Variants in SOX30 observed in about 807,000 individuals in gnomAD.
The protein encoded by SOX30 is transcription factor SOX-30.
In SOX30, 17 loss-of-function variants were observed where a neutral mutation model predicts 58.6. That is an observed-to-expected ratio of 0.29 (90% confidence interval 0.20 to 0.44). The LOEUF is 0.44. Ranked by LOEUF, SOX30 falls within the 20% of genes least tolerant of loss-of-function variation. The pLI is 1.00. For synonymous variants in SOX30, 421 were observed against 400.2 expected (o/e 1.05, Z -0.62); for missense variants, 951 against 965.8 (o/e 0.98, Z 0.20).
chr5:157,652,506 G>T, upstream of SOX30: 1 of 444,232 alleles, frequency 2.3e-6, no homozygotes, highest in South Asian at 9.6e-5. Context: ...TGCGTCACAA[G>T]GGGAGCGACG....
At chr5:157,646,915 A>G in intron 2 of SOX30, 99 bp from the exon 3 acceptor site, 1 of 849,074 alleles carries the variant, frequency 1.2e-6, no homozygotes. Context: ...TGTTTTAAAA[A>G]CAAATTATTG....
Position 157,651,745 on chromosome 5 carries a change from G to A in SOX30, c.334C>T (p.Pro112Ser). Reference protein sequence around the residue: ...QFRPDLRLLQPPTASDGATSR... With the variant: ...QFRPDLRLLQSPTASDGATSR... Reference sequence around the variant, plus strand: ...GTGGCGCCGTCTGACGCTGTCGGCGGCTGCAGGAGCCGCAGGTCGGGCCTG... The same window carrying A: ...GTGGCGCCGTCTGACGCTGTCGGCGACTGCAGGAGCCGCAGGTCGGGCCTG... Residue 112 changes from proline (P) to serine (S), a missense_variant, in exon 1 of 5, where the codon CCG (proline) becomes TCG (serine). Around this residue, in one of 7 missense-constraint regions of SOX30, gnomAD observed 363 missense variants for 294.5 expected, o/e 1.23. Coordinates refer to ENST00000265007, the MANE Select transcript of SOX30 (RefSeq NM_178424.2). The A allele has an allele frequency of 2.6e-6, 4 of 1,558,176 alleles. No individual in the cohort carries two copies. Among genetic ancestry groups the A allele is most frequent in the Middle Eastern group, 1.7e-4 (1 of 5,736 alleles).
At chr5:157,642,514 A>G (rs1196868921) in intron 3 of SOX30, among the ~76,000 whole-genome samples, 2 of 152,108 alleles carry the variant, frequency 1.3e-5, no homozygotes. Context: ...TTGGCTAGGG[A>G]AAAAGGCTGA....
chr5:157,665,520 G>A (rs1759652941), intron 2 of SOX30, among the ~76,000 whole-genome samples: 1 of 151,644 alleles, frequency 6.6e-6, no homozygotes, highest in Admixed American at 6.6e-5. Flanking sequence ...AATGGGTGCA[G>A]CACACCAACA....
chr5:157,640,056 G>A (rs948803061), intron 3 of SOX30, among the ~76,000 whole-genome samples: 1 of 152,288 alleles, frequency 6.6e-6, no homozygotes, highest in Non-Finnish European at 1.5e-5. Context: ...TGAGGCACAG[G>A]CCCTACTCAG....
At chr5:157,659,009 G>A (rs928464822) in intron 2 of SOX30, among the ~76,000 whole-genome samples, 15 of 152,158 alleles carry the variant, frequency 9.9e-5, no homozygotes, top group African/African-American at 3.6e-4. Context: ...ACTCCCACCA[G>A]TGCCATGATA....
chr5:157,667,835 A>G (rs1056679504), exon 2 of SOX30: 2 of 1,535,402 alleles, frequency 1.3e-6, no homozygotes, highest in African/African-American at 1.4e-5. Context: ...CCTTCCCTCT[A>G]CAACATTTCT....
At chr5:157,628,004 A>G (rs1410153554) in intron 4 of SOX30, among the ~76,000 whole-genome samples, 3 of 151,826 alleles carry the variant, frequency 2.0e-5, no homozygotes, top group Non-Finnish European at 2.9e-5. Flanking sequence ...AAAAAAAAAA[A>G]AAAAGTCAAA....
intron 2 of SOX30, among the ~76,000 whole-genome samples, chr5:157,658,384 T>C (rs1759518991): frequency 6.6e-6 from 1 of 152,206 alleles, no homozygotes; most frequent in Non-Finnish European, 1.5e-5. Flanking sequence ...GTTTTTAAGT[T>C]TGTTTCTGCA....
At chr5:157,630,756 T>C (rs986045489) in intron 4 of SOX30, among the ~76,000 whole-genome samples, 5 of 149,898 alleles carry the variant, frequency 3.3e-5, no homozygotes, top group Non-Finnish European at 5.9e-5. Context: ...AGTTAAAAGC[T>C]TGGGGTCTTT....
chr5:157,662,902 T>C (rs2113858597), intron 2 of SOX30, among the ~76,000 whole-genome samples: 1 of 152,206 alleles, frequency 6.6e-6, no homozygotes, highest in South Asian at 2.1e-4. Flanking sequence ...CTTCAGAATA[T>C]GTTTAGGAAG....
chr5:157,652,750 A>G (rs528339447), upstream of SOX30, among the ~76,000 whole-genome samples: 60 of 152,056 alleles, frequency 3.9e-4, no homozygotes, highest in South Asian at 2.7e-3. Flanking sequence ...AAATTCATCC[A>G]CTGTTTTGTG....
At position 157,626,534 on chromosome 5, in the gene SOX30, T is replaced by C. The variant is rs573787598; in HGVS notation, c.2068A>G (p.Asn690Asp). The C allele has an allele frequency of 6.2e-7, 1 of 1,614,206 alleles. No homozygotes were observed. Among genetic ancestry groups the C allele is most frequent in the East Asian group, 2.2e-5 (1 of 44,882 alleles). The change falls in exon 5 of 5, where the codon AAC becomes GAC. Residue 690 changes from asparagine (N) to aspartate (D), a missense_variant. Asn to Asp is a conservative substitution (Grantham distance 23). This residue lies in a region of SOX30 where 381 missense variants were observed against 390.0 expected (regional missense o/e 0.98). Transcript: ENST00000265007. ...THSENSRSCE[N>D]MNGTSYYNSH... ...TTATAGTAAGAAGTTCCATTCATGT[T>C]CTCACAACTCCGAGAATTTTCACTG...
At chr5:157,666,478 G>GACACAC (rs375835461) in intron 2 of SOX30, among the ~76,000 whole-genome samples, 154 of 132,526 alleles carry the variant, frequency 1.2e-3, no homozygotes, top group East Asian at 4.4e-3. Context: ...TAGTCCAGTA[G>GACACAC]ACACACACAC....
chr5:157,638,842 G>C lies in SOX30; in HGVS notation c.1388-120C>G. 3 of 903,672 alleles carry C rather than the reference G, an allele frequency of 3.3e-6. No individual in the cohort carries two copies. The South Asian group carries it at 5.3e-5, about 16-fold the overall frequency. 56.0% of individuals were successfully genotyped at this position (903,672 alleles called of 1,614,324 possible). On this transcript the variant is annotated intron_variant, in intron 3 of 4. Coordinates refer to ENST00000265007, the MANE Select transcript of SOX30 (RefSeq NM_178424.2). ...CCTTCATCAATCACCTTACCTAACT[G>C]CATCATCATATCAAACCACTCTATT...
intron 3 of SOX30, 81 bp downstream of exon 3, chr5:157,646,556 A>G: frequency 2.0e-6 from 2 of 1,001,428 alleles, no homozygotes; most frequent in South Asian, 3.3e-5. Flanking sequence ...CTTAAGACTA[A>G]CAGAAAGAAC....
chr5:157,648,145 C>T (rs1280921345), intron 2 of SOX30, among the ~76,000 whole-genome samples: 1 of 152,134 alleles, frequency 6.6e-6, no homozygotes, highest in Non-Finnish European at 1.5e-5. Flanking sequence ...CCCAATGTTC[C>T]CACTGCTAGG....
intron 2 of SOX30, among the ~76,000 whole-genome samples, chr5:157,664,513 C>A (rs1262444409): frequency 6.6e-6 from 1 of 152,172 alleles, no homozygotes; most frequent in Admixed American, 6.5e-5. Flanking sequence ...CTAGGCAGTA[C>A]CATTCAGGAC....
chr5:157,633,153 G>A (rs1758850929), intron 4 of SOX30, among the ~76,000 whole-genome samples: 1 of 152,176 alleles, frequency 6.6e-6, no homozygotes, highest in South Asian at 2.1e-4. Flanking sequence ...TTGAACAGGG[G>A]AGCAGAGCAG....
Sources: allele counts gnomAD v4.1 joint callset (sites outside exome capture counted in the v4.1 genomes callset), GRCh38; gene constraint gnomAD v4.1.1; regional missense constraint gnomAD v4.1.1; transcripts MANE v1.5; gene names NCBI Gene and HGNC (gene_info 2026-07-23, HGNC 2026-07-21).